Variants in TAF8 observed in about 807,000 individuals in gnomAD.
TAF8 encodes the protein transcription initiation factor TFIID subunit 8.
TAF8 carries 47 observed loss-of-function variants against 36.5 expected under a neutral mutation model. That is an observed-to-expected ratio of 1.29 (90% CI 1.02 to 1.64). The LOEUF is 1.64. TAF8 is among the 40% of genes most tolerant of loss of function. The pLI is 0.00. For missense variants in TAF8, 420 were observed against 407.6 expected (o/e 1.03, Z -0.26); for synonymous variants, 175 against 159.5 (o/e 1.10, Z -0.73).
In TAF8 at chr6:42,078,633, A is replaced by G. The variant is rs916499945; in HGVS notation, c.*1088A>G. 1 of 985,344 alleles carries G rather than the reference A, an allele frequency of 1.0e-6. No homozygotes were observed. Among genetic ancestry groups the G allele is most frequent in the Non-Finnish European group, 1.2e-6 (1 of 829,954 alleles). 61.0% of individuals were successfully genotyped at this position (985,344 alleles called of 1,614,324 possible). ...GGGCTGCACCTGTCCTCCCGTCGGCATTTGACGAAAGCTCCCTGAAGCGGG... is the reference window on the plus strand; with the variant it reads ...GGGCTGCACCTGTCCTCCCGTCGGCGTTTGACGAAAGCTCCCTGAAGCGGG... On this transcript the variant is annotated 3_prime_UTR_variant, in exon 9 of 9. Coordinates refer to ENST00000372977, the MANE Select transcript of TAF8 (RefSeq NM_138572.3).
At chr6:42,064,546 C>A (rs1562014461) in intron 5 of TAF8, among the ~76,000 whole-genome samples, 1 of 152,116 alleles carries the variant, frequency 6.6e-6, no homozygotes, top group Non-Finnish European at 1.5e-5. Context: ...TGAGCCACCA[C>A]ACCCAGCCTT....
Position 42,077,786 on chromosome 6 carries a change from TACTC to T in TAF8, c.*242_*245del. ...TTTTTTTTATTTTGAGATGGAGTCTTACTCTATCACCCAGGCTGGAATGCAGTGG... is the reference window on the plus strand; with the variant it reads ...TTTTTTTTATTTTGAGATGGAGTCTTTATCACCCAGGCTGGAATGCAGTGG... On this transcript the variant is annotated 3_prime_UTR_variant, in exon 9 of 9. Coordinates refer to ENST00000372977, the MANE Select transcript of TAF8 (RefSeq NM_138572.3). The T allele has an allele frequency of 7.5e-7, 1 of 1,331,462 alleles. No homozygotes were observed. Among genetic ancestry groups the T allele is most frequent in the Non-Finnish European group, 9.7e-7 (1 of 1,027,746 alleles). 82.5% of individuals were successfully genotyped at this position (1,331,462 alleles called of 1,614,324 possible). A position where few individuals can be genotyped will look rare whatever the true frequency, so the allele number is the denominator to read the frequency against.
At position 42,055,969 on chromosome 6, in the gene TAF8, C is replaced by T. The variant is rs1281658518; in HGVS notation, c.319C>T (p.Leu107Phe). The T allele has an allele frequency of 6.2e-7, 1 of 1,612,970 alleles. No individual in the cohort carries two copies. Among genetic ancestry groups the T allele is most frequent in the Non-Finnish European group, 8.5e-7 (1 of 1,179,030 alleles). Residue 107 changes from leucine (L) to phenylalanine (F), a missense_variant, in exon 4 of 9, where the codon CTC becomes TTC. Transcript: ENST00000372977. Reference protein sequence around the residue: ...LVEMGFNVDTLPAYAKRSQRM... With the variant: ...LVEMGFNVDTFPAYAKRSQRM... Reference sequence around the variant, plus strand: ...TCTCTTAGGTTTCAATGTGGACACTCTCCCTGCTTATGCAAAACGGTCTCA... The same window carrying T: ...TCTCTTAGGTTTCAATGTGGACACTTTCCCTGCTTATGCAAAACGGTCTCA...
downstream of TAF8, chr6:42,087,069 T>C (rs1315135225): frequency 1.2e-5 from 5 of 412,958 alleles, no homozygotes; most frequent in South Asian, 1.5e-4. Flanking sequence ...TCTTGTGGCC[T>C]CGCCTGAAGC....
At chr6:42,064,045 T>C (rs963919805) in intron 5 of TAF8, among the ~76,000 whole-genome samples, 18 of 152,362 alleles carry the variant, frequency 1.2e-4, no homozygotes, top group Admixed American at 1.2e-3. Flanking sequence ...TGTAACATCA[T>C]TGGCTGCTCT....
At chr6:42,055,869 G>T in intron 3 of TAF8, 83 bp from the exon 4 acceptor site, 1 of 984,628 alleles carries the variant, frequency 1.0e-6, no homozygotes, top group South Asian at 1.3e-5. Flanking sequence ...GAGAGTTTAA[G>T]CCATTTGTCC....
chr6:42,055,818 C>A, intron 3 of TAF8, 134 bp from the exon 4 acceptor site: 1 of 761,544 alleles, frequency 1.3e-6, no homozygotes, highest in South Asian at 1.6e-5. Flanking sequence ...TTAGGGAATT[C>A]TGCCAGAGCT....
Position 42,050,562 on chromosome 6 carries a change from A to C in TAF8, c.21A>C (p.Thr7=), listed in dbSNP as rs1301908190. 1.3e-6 allele frequency: 2 copies of C among 1,541,442 alleles called. No individual in the cohort carries two copies. The highest frequency in any genetic ancestry group is 1.8e-6 in the Non-Finnish European group (2 of 1,141,802). ...ACAAGATGGCCGACGCGGCGGCCAC[A>C]GCTGGGGCCGGTGGCTCCGGAACGG... MADAAA[T]AGAGGSGTRS... Residue 7 remains threonine, a synonymous_variant, in exon 1 of 9, where the codon ACA becomes ACC. Transcript: ENST00000372977.
Position 42,052,317 on chromosome 6 carries a change from GCC to G in TAF8, c.202+814_202+815del, listed in dbSNP as rs59000289. 1.2e-3 allele frequency among the ~76,000 whole-genome samples: 162 copies of G among 138,590 alleles called. No individual in the cohort carries two copies. In the South Asian group the frequency reaches 0.017, roughly 14 times the overall value. 90.9% of individuals were successfully genotyped at this position (138,590 alleles called of 152,430 possible). On this transcript the variant is annotated intron_variant, in intron 2 of 8. Transcript: ENST00000372977. ...GTGATACAAAGAATGAAGGGGAAAA[GCC>G]CCCCCCCCCTTTTTTTTTTTGAGAC...
In TAF8 at chr6:42,057,435, G is replaced by A. The variant is rs941538577; in HGVS notation, c.411G>A (p.Gly137=). 4.3e-6 allele frequency: 7 copies of A among 1,614,060 alleles called. No individual in the cohort carries two copies. In the Admixed American group the frequency reaches 1.2e-4, roughly 27 times the overall value. Reference sequence around the variant, plus strand: ...TGACCCCCAAGGCCCTCACTGCAGGGCAGAACCGACCCCACCCGCCGCACA... The same window carrying A: ...TGACCCCCAAGGCCCTCACTGCAGGACAGAACCGACCCCACCCGCCGCACA... ...QPVTPKALTA[G]QNRPHPPHIP... Residue 137 remains glycine (G), a synonymous_variant, in exon 5 of 9, where the codon GGG becomes GGA. Transcript: ENST00000372977.
At chr6:42,068,887 G>A (rs947522035) in intron 7 of TAF8, among the ~76,000 whole-genome samples, 1 of 152,168 alleles carries the variant, frequency 6.6e-6, no homozygotes, top group African/African-American at 2.4e-5. Flanking sequence ...TCCTCATGGG[G>A]CTAATGAAAA....
Position 42,078,798 on chromosome 6 carries a change from A to T in TAF8, c.*1253A>T, listed in dbSNP as rs774084475. On this transcript the variant is annotated 3_prime_UTR_variant, in exon 9 of 9. Transcript: ENST00000372977. ...AGAGCGTCGGCTCTATTATGCTGGGACTTGACAGAGGAGCCATGGGGTTTA... is the reference window on the plus strand; with the variant it reads ...AGAGCGTCGGCTCTATTATGCTGGGTCTTGACAGAGGAGCCATGGGGTTTA... 124 of 985,280 alleles carry T rather than the reference A, an allele frequency of 1.3e-4. No homozygotes were observed. The highest frequency in any genetic ancestry group is 3.1e-4 in the Admixed American group (5 of 16,250). The allele number at this position is 985,280 out of a possible 1,614,324, so 61.0% of individuals were successfully genotyped here.
At chr6:42,071,473 G>A (rs772079819) in intron 7 of TAF8, 25 of 167,546 alleles carry the variant, frequency 1.5e-4, no homozygotes, top group Admixed American at 4.4e-4. Context: ...TTACAGGTAC[G>A]CACCACCACG....
chr6:42,068,745 GTGA>G (rs1765455089), intron 7 of TAF8, 138 bp downstream of exon 7: 1 of 1,004,536 alleles, frequency 1.0e-6, no homozygotes, highest in African/African-American at 1.6e-5. Context: ...AAGGGCTTGC[GTGA>G]TGATCCAGAT....
intron 7 of TAF8, among the ~76,000 whole-genome samples, chr6:42,069,746 G>A (rs1001377744): frequency 2.0e-5 from 3 of 152,286 alleles, no homozygotes; most frequent in African/African-American, 7.2e-5. Context: ...CCAGCAGCCT[G>A]TAGGTCGTGT....
intron 2 of TAF8, 106 bp downstream of exon 2, chr6:42,051,619 A>C: frequency 7.1e-7 from 1 of 1,402,274 alleles, no homozygotes; most frequent in Non-Finnish European, 9.5e-7. Context: ...TTTTTTCTTA[A>C]GAGGGGAGAA....
At chr6:42,077,366 C>A (rs1287456728) in intron 8 of TAF8, 127 bp downstream of exon 8, 2 of 1,492,842 alleles carry the variant, frequency 1.3e-6, no homozygotes, top group Admixed American at 4.6e-5. Flanking sequence ...AGGGAATAGT[C>A]TCCCTTTTCC....
At chr6:42,068,182 ATGC>A (rs748824238) in intron 6 of TAF8, among the ~76,000 whole-genome samples, 1 of 152,204 alleles carries the variant, frequency 6.6e-6, no homozygotes, top group Non-Finnish European at 1.5e-5. Context: ...TTCTGAAGTC[ATGC>A]TGCTTGAGTT....
Position 42,068,473 on chromosome 6 carries a change from G to T in TAF8, c.646G>T (p.Ala216Ser), listed in dbSNP as rs748725698. 2.5e-6 allele frequency: 4 copies of T among 1,613,876 alleles called. No individual in the cohort carries two copies. In the East Asian group the frequency reaches 8.9e-5, roughly 36 times the overall value. Residue 216 changes from alanine to serine, a missense_variant, in exon 7 of 9, where the codon GCC becomes TCC. Coordinates refer to ENST00000372977, the MANE Select transcript of TAF8 (RefSeq NM_138572.3). ...DDVSTFPLIA[A>S]RPFTIPYLTA... ...CTCTTCCAATTCGCCAGTGATTGCT[G>T]CCAGACCTTTCACCATCCCCTACCT...
Sources: allele counts gnomAD v4.1 joint callset (sites outside exome capture counted in the v4.1 genomes callset), GRCh38; gene constraint gnomAD v4.1.1; transcripts MANE v1.5; gene names NCBI Gene and HGNC (gene_info 2026-07-23, HGNC 2026-07-21).